Variants in SLC25A37 observed in about 807,000 individuals in gnomAD.
The protein encoded by SLC25A37 is mitoferrin-1.
In SLC25A37, 17 loss-of-function variants were observed where a neutral mutation model predicts 31.0. The observed-to-expected ratio is 0.55, with a 90% CI of 0.38 to 0.82. The LOEUF (loss-of-function observed/expected upper bound fraction) is 0.82, where lower values mean the gene tolerates loss of function less well. SLC25A37 is among the 40% of genes least tolerant of loss of function. SLC25A37 has a pLI of 0.00. For missense variants in SLC25A37, 404 were observed against 465.8 expected (o/e 0.87, Z 1.22); for synonymous variants, 222 against 193.0 (o/e 1.15, Z -1.24).
rs558044910 is a variant in SLC25A37 at position 23,531,060 on chromosome 8, G to A, written c.210+1848G>A. On this transcript the variant is annotated intron_variant, in intron 1 of 3. Transcript: ENST00000519973. ...GTGAATGGTAGAAGGAGCCGGTCTG[G>A]TTTTCCTAGACAAGTCTGTAAAACA... Among the ~76,000 whole-genome samples, 27 of 152,332 alleles carry A rather than the reference G, an allele frequency of 1.8e-4. 2 individuals are homozygous for A. The South Asian group carries it at 5.6e-3, about 32-fold the overall frequency.
intron 1 of SLC25A37, among the ~76,000 whole-genome samples, chr8:23,548,611 C>T (rs916311888): frequency 2.0e-5 from 3 of 151,806 alleles, no homozygotes; most frequent in Non-Finnish European, 2.9e-5. Context: ...GCTGGGATTA[C>T]AGGCATACAC....
At position 23,548,823 on chromosome 8, in the gene SLC25A37, ACT is replaced by A. The variant is rs1802143795; in HGVS notation, c.211-17276_211-17275del. ...GGAAACACAGCATTAAGGGTAAAACACTCTCTCTCTGCTCTGTCTGGTGTTCA... is the reference window on the plus strand; with the variant it reads ...GGAAACACAGCATTAAGGGTAAAACACTCTCTCTGCTCTGTCTGGTGTTCA... On this transcript the variant is annotated intron_variant, in intron 1 of 3. Transcript: ENST00000519973. 7.9e-5 allele frequency among the ~76,000 whole-genome samples: 12 copies of A among 152,058 alleles called. No individual in the cohort carries two copies. The South Asian group carries it at 2.1e-3, about 26-fold the overall frequency.
rs761026684 is a variant in SLC25A37, at chr8:23,529,048, A to G, written c.46A>G (p.Arg16Gly). The change falls in exon 1 of 4, where the codon AGG (arginine) becomes GGG (glycine). Residue 16 changes from arginine (R) to glycine (G), a missense_variant. Coordinates refer to ENST00000519973, the MANE Select transcript of SLC25A37 (RefSeq NM_016612.4). This position sits in a 1 kb window ranked among gnomAD's most constrained non-coding sequence, Gnocchi z 4.1. ...GSVGSQAVAR[R>G]MDGDSRDGGG... The stretch of plus-strand genomic sequence containing the variant: ...CGTGGGCAGCCAGGCGGTGGCGCGG[A>G]GGATGGATGGGGACAGCCGAGATGG... 26 of 1,572,730 alleles carry G rather than the reference A, an allele frequency of 1.7e-5. No individual in the cohort carries two copies. Among genetic ancestry groups the G allele is most frequent in the East Asian group, 7.1e-5 (3 of 42,146 alleles).
chr8:23,566,803 A>C, intron 2 of SLC25A37: 1 of 986,830 alleles, frequency 1.0e-6, no homozygotes. Context: ...GATCTAACTA[A>C]GCTTTAAAAG....
rs760869962 is a variant in SLC25A37 at position 23,573,829 on chromosome 8, C to G, written c.*1974C>G. On this transcript the variant is annotated 3_prime_UTR_variant, in exon 4 of 4. Coordinates refer to ENST00000519973, the MANE Select transcript of SLC25A37 (RefSeq NM_016612.4). ...AACGCCTTCTCCCTGCTCTGCCCCC[C>G]ACTCCCCAAAACCAGTTGCAGCCTC... 4.4e-6 allele frequency: 2 copies of G among 456,644 alleles called. No individual in the cohort carries two copies. Among genetic ancestry groups the G allele is most frequent in the Non-Finnish European group, 8.8e-6 (2 of 226,980 alleles). 28.3% of individuals were successfully genotyped at this position (456,644 alleles called of 1,614,324 possible).
Position 23,571,690 on chromosome 8 carries a change from T to A in SLC25A37, c.852T>A (p.Asn284Lys), listed in dbSNP as rs776443091. The A allele has an allele frequency of 1.2e-6, 2 of 1,613,890 alleles. No homozygotes were observed. Among genetic ancestry groups the A allele is most frequent in the Non-Finnish European group, 1.7e-6 (2 of 1,179,864 alleles). The change falls in exon 4 of 4, where the codon AAT (asparagine) becomes AAA (lysine). Residue 284 changes from asparagine to lysine, a missense_variant. Coordinates refer to ENST00000519973, the MANE Select transcript of SLC25A37 (RefSeq NM_016612.4). ...NISGRLSGMANAFRTVYQLNG... is the reference protein window; with the variant it reads ...NISGRLSGMAKAFRTVYQLNG... Reference sequence around the variant, plus strand: ...GCGGCCGGCTGTCGGGTATGGCCAATGCCTTCCGGACGGTGTACCAGCTCA... The same window carrying A: ...GCGGCCGGCTGTCGGGTATGGCCAAAGCCTTCCGGACGGTGTACCAGCTCA...
At chr8:23,552,275 T>C (rs1802247689) in intron 1 of SLC25A37, among the ~76,000 whole-genome samples, 1 of 152,228 alleles carries the variant, frequency 6.6e-6, no homozygotes, top group Non-Finnish European at 1.5e-5. Flanking sequence ...CCTACTGTAC[T>C]CCACTAGGTG....
In SLC25A37 at chr8:23,529,328, G is replaced by A; in HGVS notation, c.210+116G>A. 9.9e-7 allele frequency: 1 copy of A among 1,009,840 alleles called. No homozygotes were observed. Among genetic ancestry groups the A allele is most frequent in the Non-Finnish European group, 1.4e-6 (1 of 737,636 alleles). The allele number at this position is 1,009,840 out of a possible 1,614,324, so 62.6% of individuals were successfully genotyped here. The stretch of plus-strand genomic sequence containing the variant: ...CGTCCCGAAACCGAGCTCTCCCCAG[G>A]ACCGCGGCTGGCCGGGGTCGCCCCA... On this transcript the variant is annotated intron_variant, in intron 1 of 3. Transcript: ENST00000519973. The surrounding 1 kb of genome is among the most constrained non-coding windows in gnomAD (Gnocchi z 4.1).
intron 3 of SLC25A37, among the ~76,000 whole-genome samples, chr8:23,570,263 T>C (rs1802785760): frequency 6.6e-6 from 1 of 152,198 alleles, no homozygotes; most frequent in African/African-American, 2.4e-5. Context: ...ACAGCTCATG[T>C]TCTGTTTTGT....
chr8:23,539,061 C>G (rs369296665), intron 1 of SLC25A37, among the ~76,000 whole-genome samples: 6 of 152,202 alleles, frequency 3.9e-5, no homozygotes, highest in East Asian at 1.9e-4. Flanking sequence ...ACATCCCCCA[C>G]CCTCCTCGTA....
At chr8:23,558,607 G>A (rs1802428501) in intron 1 of SLC25A37, among the ~76,000 whole-genome samples, 2 of 152,236 alleles carry the variant, frequency 1.3e-5, no homozygotes, top group South Asian at 4.1e-4. Context: ...GGTGTCAGGG[G>A]CTGACCCTTC....
chr8:23,558,499 G>A (rs557120187), intron 1 of SLC25A37, among the ~76,000 whole-genome samples: 2 of 152,312 alleles, frequency 1.3e-5, no homozygotes, highest in South Asian at 2.1e-4. Flanking sequence ...CAGCTCACCT[G>A]GGACAGAACG....
At chr8:23,543,988 G>A (rs1437994963) in intron 1 of SLC25A37, among the ~76,000 whole-genome samples, 1 of 151,914 alleles carries the variant, frequency 6.6e-6, no homozygotes, top group African/African-American at 2.4e-5. Flanking sequence ...AGCCTCCCGA[G>A]TAGATGGGAT....
chr8:23,560,303 T>C (rs1802481668), intron 1 of SLC25A37, among the ~76,000 whole-genome samples: 1 of 152,126 alleles, frequency 6.6e-6, no homozygotes, highest in Non-Finnish European at 1.5e-5. Context: ...AGAGACTAAA[T>C]TGATTATTGT....
At chr8:23,530,620 C>T (rs749375134) in intron 1 of SLC25A37, among the ~76,000 whole-genome samples, 2 of 152,160 alleles carry the variant, frequency 1.3e-5, no homozygotes, top group Non-Finnish European at 1.5e-5. Flanking sequence ...TGGACTGATA[C>T]CAGGTGGCAT....
At chr8:23,538,396 A>AAAAC (rs1554496683) in intron 1 of SLC25A37, among the ~76,000 whole-genome samples, 2 of 143,610 alleles carry the variant, frequency 1.4e-5, no homozygotes, top group African/African-American at 5.1e-5. Context: ...AAAAAAAAAA[A>AAAAC]AAAAAAAAAA....
rs1802934200 is a variant in SLC25A37, at chr8:23,574,249, G to A, written c.*2394G>A. The A allele has an allele frequency of 5.6e-6, 1 of 179,926 alleles. No individual in the cohort carries two copies. Among genetic ancestry groups the A allele is most frequent in the Non-Finnish European group, 1.2e-5 (1 of 83,434 alleles). 11.1% of individuals were successfully genotyped at this position (179,926 alleles called of 1,614,324 possible). A position where few individuals can be genotyped will look rare whatever the true frequency, so the allele number is the denominator to read the frequency against. ...GGAGGCCGAGGCAGGCGGATCACTT[G>A]AGGCCAGCAGTTTGAGACCAGCCTG... On this transcript the variant is annotated 3_prime_UTR_variant, in exon 4 of 4. Transcript: ENST00000519973.
intron 1 of SLC25A37, among the ~76,000 whole-genome samples, chr8:23,530,051 G>A (rs1283670734): frequency 5.9e-5 from 9 of 152,172 alleles, no homozygotes; most frequent in Admixed American, 5.9e-4. Flanking sequence ...CTGGTAGACT[G>A]AGACCTGCCC....
At chr8:23,551,749 C>T (rs1374234555) in intron 1 of SLC25A37, among the ~76,000 whole-genome samples, 4 of 152,138 alleles carry the variant, frequency 2.6e-5, no homozygotes, top group African/African-American at 9.7e-5. Context: ...CGCCCAAGGA[C>T]ACACATTGAG....
Sources: gnomAD v4.1 joint callset for allele counts (sites outside exome capture counted in the v4.1 genomes callset) on GRCh38, gnomAD v4.1.1 for gene constraint, Gnocchi (gnomAD v3.1) non-coding constraint, MANE v1.5 for transcripts, NCBI Gene and HGNC (gene_info 2026-07-23, HGNC 2026-07-21) for gene names.